TCEA1: variants seen among roughly 807,000 people sequenced by gnomAD.
TCEA1 encodes transcription elongation factor A1.
TCEA1 carries 21 observed loss-of-function variants against 43.8 expected under a neutral mutation model. That is an observed-to-expected ratio of 0.48 (90% CI 0.34 to 0.69). The LOEUF (loss-of-function observed/expected upper bound fraction) is 0.69. Ranked by LOEUF, TCEA1 falls within the 30% of genes least tolerant of loss-of-function variation. TCEA1 has a pLI of 0.01. For missense variants in TCEA1, 250 were observed against 365.1 expected (o/e 0.68, Z 2.57); for synonymous variants, 104 against 117.5 (o/e 0.88, Z 0.75).
At chr8:53,974,594 C>T (rs1184291600) in intron 8 of TCEA1, among the ~76,000 whole-genome samples, 1 of 152,034 alleles carries the variant, frequency 6.6e-6, no homozygotes. Context: ...ATGGCATGAT[C>T]TCAGCTCACT....
chr8:53,993,641 T>C (rs766992776), intron 4 of TCEA1, 27 bp downstream of exon 4: 2 of 1,554,124 alleles, frequency 1.3e-6, no homozygotes, highest in Non-Finnish European at 1.8e-6. Flanking sequence ...ACTTTCAATA[T>C]AAATATATGT....
intron 1 of TCEA1, among the ~76,000 whole-genome samples, chr8:54,014,774 G>A (rs1804768825): frequency 6.6e-6 from 1 of 152,190 alleles, no homozygotes; most frequent in Non-Finnish European, 1.5e-5. Context: ...TTAAGAATAT[G>A]GTGTACATAT....
chr8:54,020,629 T>A (rs1804991977), intron 1 of TCEA1, among the ~76,000 whole-genome samples: 1 of 152,186 alleles, frequency 6.6e-6, no homozygotes, highest in Non-Finnish European at 1.5e-5. Flanking sequence ...TTAATTTAAG[T>A]AGTAGTACTT....
At chr8:53,973,188 A>T in intron 8 of TCEA1, 1 of 499,416 alleles carries the variant, frequency 2.0e-6, no homozygotes, top group Non-Finnish European at 3.7e-6. Context: ...GATGAAGAAC[A>T]AATCACTAAA....
intron 8 of TCEA1, 125 bp downstream of exon 8, chr8:53,978,900 T>C (rs1803422139): frequency 8.2e-7 from 1 of 1,219,216 alleles, no homozygotes; most frequent in Non-Finnish European, 1.1e-6. Flanking sequence ...CTCAGGGTCT[T>C]AGAACATATC....
At chr8:53,997,635 C>T (rs766982568) in intron 3 of TCEA1, among the ~76,000 whole-genome samples, 1 of 152,202 alleles carries the variant, frequency 6.6e-6, no homozygotes, top group South Asian at 2.1e-4. Flanking sequence ...CGATGGCTCA[C>T]GCCTATAAAC....
chr8:54,016,831 G>C (rs140602860), intron 1 of TCEA1, among the ~76,000 whole-genome samples: 1 of 151,682 alleles, frequency 6.6e-6, no homozygotes. Context: ...AAAATTAGCC[G>C]GGTGTGGTGG....
At chr8:53,996,801 A>C (rs1586016719) in intron 3 of TCEA1, among the ~76,000 whole-genome samples, 2 of 152,192 alleles carry the variant, frequency 1.3e-5, no homozygotes, top group Non-Finnish European at 2.9e-5. Context: ...AAATTTATGC[A>C]AATTAAATTT....
rs149396741 is a variant in TCEA1 at position 53,968,076 on chromosome 8, G to A, written c.*28C>T. The A allele has an allele frequency of 2.0e-4, 311 of 1,526,520 alleles. No homozygotes were observed. The East Asian group carries it at 6.0e-3, about 29-fold the overall frequency. The allele number at this position is 1,526,520 out of a possible 1,614,324, so 94.6% of individuals were successfully genotyped here. A position where few individuals can be genotyped will look rare whatever the true frequency, so the allele number is the denominator to read the frequency against. On this transcript the variant is annotated 3_prime_UTR_variant, in exon 10 of 10. Transcript: ENST00000521604. ...AGTTACAAAATCCGTTTTCTTAATG[G>A]TCCAGATATTTTGCCAATTCTTCCA...
chr8:53,977,591 A>C (rs192343009), intron 8 of TCEA1, among the ~76,000 whole-genome samples: 1 of 152,240 alleles, frequency 6.6e-6, no homozygotes, highest in Non-Finnish European at 1.5e-5. Flanking sequence ...TGAAAAAATC[A>C]ATTCCCCAAA....
At chr8:54,018,490 A>G (rs551694893) in intron 1 of TCEA1, among the ~76,000 whole-genome samples, 21 of 152,332 alleles carry the variant, frequency 1.4e-4, no homozygotes, top group African/African-American at 4.8e-4. Flanking sequence ...CCAGTTTACC[A>G]TGACGAGAAA....
chr8:54,012,429 G>A (rs1017813235), intron 1 of TCEA1, among the ~76,000 whole-genome samples: 4 of 152,138 alleles, frequency 2.6e-5, no homozygotes, highest in African/African-American at 7.2e-5. Flanking sequence ...GCGTGGTGGC[G>A]GGTGCCTGTA....
intron 6 of TCEA1, among the ~76,000 whole-genome samples, chr8:53,986,188 G>A (rs1803684326): frequency 6.6e-6 from 1 of 152,322 alleles, no homozygotes; most frequent in South Asian, 2.1e-4. Context: ...CTCAGCAGTA[G>A]TTTTGAAAGC....
At chr8:53,980,018 C>A (rs1424651654) in intron 7 of TCEA1, among the ~76,000 whole-genome samples, 2 of 152,208 alleles carry the variant, frequency 1.3e-5, no homozygotes, top group African/African-American at 4.8e-5. Flanking sequence ...AACTTCGTCT[C>A]CTGCATGGCC....
chr8:54,003,054 T>C (rs1437425055), intron 2 of TCEA1: 2 of 456,270 alleles, frequency 4.4e-6, no homozygotes, highest in Admixed American at 2.3e-5. Flanking sequence ...TGATCACTCA[T>C]GAGTTTTTGC....
At chr8:54,012,762 C>G (rs990805892) in intron 1 of TCEA1, among the ~76,000 whole-genome samples, 1 of 151,668 alleles carries the variant, frequency 6.6e-6, no homozygotes, top group East Asian at 1.9e-4. Flanking sequence ...ACAGCATGAC[C>G]CCCTCTCTAC....
At chr8:54,007,439 C>T (rs1031379415) in intron 2 of TCEA1, among the ~76,000 whole-genome samples, 1 of 152,098 alleles carries the variant, frequency 6.6e-6, no homozygotes, top group African/African-American at 2.4e-5. Context: ...CCTCGATCTC[C>T]CAAGGTGTTG....
intron 8 of TCEA1, chr8:53,972,918 G>A: frequency 1.5e-6 from 1 of 673,802 alleles, no homozygotes; most frequent in Non-Finnish European, 2.8e-6. Flanking sequence ...AGCCTCAGAG[G>A]TGTATTTAAC....
intron 1 of TCEA1, among the ~76,000 whole-genome samples, chr8:54,011,177 A>G (rs1385916573): frequency 1.3e-5 from 2 of 152,226 alleles, no homozygotes; most frequent in African/African-American, 2.4e-5. Flanking sequence ...CACCTTTTAC[A>G]TATGTAAAAA....
Sources: allele counts gnomAD v4.1 joint callset (sites outside exome capture counted in the v4.1 genomes callset), GRCh38; gene constraint gnomAD v4.1.1; transcripts MANE v1.5; gene names NCBI Gene and HGNC (gene_info 2026-07-23, HGNC 2026-07-21).